The following RMST variants were observed in gnomAD, a reference collection of about 807,000 sequenced individuals.
RMST encodes the protein rhabdomyosarcoma 2 associated transcript.
chr12:97,475,294 C>T (rs559012801), intron 5 of RMST, among the ~76,000 whole-genome samples: 138 of 152,184 alleles, frequency 9.1e-4, no homozygotes, highest in Non-Finnish European at 1.1e-3. Context: ...CTAGTATTTG[C>T]GCATACACTT....
chr12:97,464,696 C>T (rs1872965171), intron 4 of RMST: 1 of 152,134 alleles, frequency 6.6e-6, no homozygotes, highest in African/African-American at 2.4e-5. Flanking sequence ...GGCCCAAGTC[C>T]TGTTGGTGGT....
chr12:97,480,010 T>C (rs1875042038), intron 5 of RMST, among the ~76,000 whole-genome samples: 1 of 152,162 alleles, frequency 6.6e-6, no homozygotes, highest in South Asian at 2.1e-4. Context: ...CTTTTGGCTC[T>C]TTTTTGCCCA....
At chr12:97,547,976 A>G (rs1487341374) in intron 11 of RMST, among the ~76,000 whole-genome samples, 1 of 151,906 alleles carries the variant, frequency 6.6e-6, no homozygotes, top group African/African-American at 2.4e-5. Flanking sequence ...TACCTACACC[A>G]ATGTCATGGA....
At chr12:97,516,019 G>T (rs1820609803) in intron 10 of RMST, among the ~76,000 whole-genome samples, 1 of 151,640 alleles carries the variant, frequency 6.6e-6, no homozygotes, top group South Asian at 2.1e-4. Flanking sequence ...GTCTTTCCTA[G>T]ATGCTCTCTG....
chr12:97,548,675 C>T (rs1883110365), intron 11 of RMST, among the ~76,000 whole-genome samples: 2 of 151,870 alleles, frequency 1.3e-5, no homozygotes, highest in Admixed American at 6.6e-5. Flanking sequence ...TATAGAAGTA[C>T]TGCTAATTTT....
chr12:97,559,224 C>G (rs952137095), intron 11 of RMST, among the ~76,000 whole-genome samples: 1 of 152,076 alleles, frequency 6.6e-6, no homozygotes, highest in Non-Finnish European at 1.5e-5. Flanking sequence ...TCCACTCCTA[C>G]TGTTATCGGA....
chr12:97,555,760 C>T (rs1883661815), intron 11 of RMST, among the ~76,000 whole-genome samples: 1 of 152,194 alleles, frequency 6.6e-6, no homozygotes, highest in Non-Finnish European at 1.5e-5. Flanking sequence ...CAAATGTACA[C>T]CCTTAAACCA....
chr12:97,472,517 T>G lies in RMST; in HGVS notation n.644+6790T>G, dbSNP rs536764518. On this transcript the variant is annotated intron_variant and non_coding_transcript_variant, in intron 5 of 13. Coordinates refer to ENST00000640149, the Ensembl canonical transcript of RMST. ...CCTCACTTGAATCCTGCTGATTCAG[T>G]GCAATGCAGTCCAGTCCGTGACAAT... Among the ~76,000 whole-genome samples, 13 of 152,278 alleles carry G rather than the reference T, an allele frequency of 8.5e-5. No individual in the cohort carries two copies. The East Asian group carries it at 2.5e-3, about 29-fold the overall frequency.
chr12:97,463,594 G>A (rs540901185), intron 4 of RMST, among the ~76,000 whole-genome samples: 2 of 152,292 alleles, frequency 1.3e-5, no homozygotes, highest in African/African-American at 4.8e-5. Flanking sequence ...GTGCAACGTA[G>A]AAGAGCATAT....
At chr12:97,531,598 C>T (rs1170078309) in intron 11 of RMST, among the ~76,000 whole-genome samples, 1 of 151,912 alleles carries the variant, frequency 6.6e-6, no homozygotes, top group Non-Finnish European at 1.5e-5. Context: ...TGGCTGTGCA[C>T]TTAATCTAAG....
chr12:97,511,510 C>T (rs1386907677), intron 10 of RMST, among the ~76,000 whole-genome samples: 1 of 152,016 alleles, frequency 6.6e-6, no homozygotes, highest in Admixed American at 6.5e-5. Context: ...TTTTTCCTTT[C>T]ATATTCTCTT....
At chr12:97,472,468 G>C (rs992526581) in intron 5 of RMST, among the ~76,000 whole-genome samples, 2 of 152,088 alleles carry the variant, frequency 1.3e-5, no homozygotes, top group Non-Finnish European at 2.9e-5. Flanking sequence ...GTGCTAGGAA[G>C]ATCCGAATCC....
chr12:97,522,057 T>C (rs149091971), intron 10 of RMST, among the ~76,000 whole-genome samples: 1 of 152,264 alleles, frequency 6.6e-6, no homozygotes, highest in Non-Finnish European at 1.5e-5. Flanking sequence ...GTGAAAGTTA[T>C]GATCTGGCCT....
Position 97,509,152 on chromosome 12 carries a change from C to T in RMST, n.1340+13096C>T, listed in dbSNP as rs905612146. The stretch of plus-strand genomic sequence containing the variant: ...AGCTGTGTTACCACTTTCCTTCTCC[C>T]TTGCATTCTAGTTAGTATGGAATAA... On this transcript the variant is annotated intron_variant and non_coding_transcript_variant, in intron 10 of 13. Transcript: ENST00000640149. Among the ~76,000 whole-genome samples, 17 of 152,246 alleles carry T rather than the reference C, an allele frequency of 1.1e-4. No homozygotes were observed. The East Asian group carries it at 3.1e-3, about 28-fold the overall frequency.
At position 97,501,090 on chromosome 12, in the gene RMST, C is replaced by T. The variant is rs553698065; in HGVS notation, n.1340+5034C>T. 2.6e-5 allele frequency among the ~76,000 whole-genome samples: 4 copies of T among 152,304 alleles called. No homozygotes were observed. In the South Asian group the frequency reaches 8.3e-4, roughly 32 times the overall value. ...GCTGGACTCAACAGCCAGCCACAGACAAGGCTTTGAGGAGCACTTGTCTAG... is the reference window on the plus strand; with the variant it reads ...GCTGGACTCAACAGCCAGCCACAGATAAGGCTTTGAGGAGCACTTGTCTAG... On this transcript the variant is annotated intron_variant and non_coding_transcript_variant, in intron 10 of 13. Coordinates refer to ENST00000640149, the Ensembl canonical transcript of RMST.
intron 13 of RMST, chr12:97,563,439 C>T: frequency 8.5e-6 from 2 of 235,218 alleles, no homozygotes; most frequent in Non-Finnish European, 8.3e-6. Flanking sequence ...AAAGTTGGAG[C>T]AAGAGGCTTG....
intron 5 of RMST, among the ~76,000 whole-genome samples, chr12:97,475,939 C>T (rs920280338): frequency 6.6e-6 from 1 of 152,162 alleles, no homozygotes; most frequent in Non-Finnish European, 1.5e-5. Context: ...CACGTTGCTG[C>T]ATCACATACT....
intron 5 of RMST, among the ~76,000 whole-genome samples, chr12:97,479,101 G>A (rs1874902637): frequency 7.9e-6 from 1 of 126,978 alleles, no homozygotes; most frequent in Non-Finnish European, 1.7e-5. Flanking sequence ...AAAATTTGGT[G>A]TATCTGTACT....
chr12:97,535,028 T>A (rs891231522), intron 11 of RMST, among the ~76,000 whole-genome samples: 15 of 151,642 alleles, frequency 9.9e-5, no homozygotes, highest in Admixed American at 5.9e-4. Flanking sequence ...TAGGTTTTTT[T>A]AAAAAAATTA....
Sources: gnomAD v4.1 joint callset for allele counts (sites outside exome capture counted in the v4.1 genomes callset) on GRCh38, gnomAD v4.1.1 for gene constraint, MANE v1.5 for transcripts, NCBI Gene and HGNC (gene_info 2026-07-23, HGNC 2026-07-21) for gene names.